TEX10: variants seen among roughly 807,000 people sequenced by gnomAD.
TEX10 encodes the protein testis-expressed protein 10.
A neutral mutation model predicts 104.4 loss-of-function variants in TEX10; 24 were observed. That is an observed-to-expected ratio of 0.23 (90% CI 0.17 to 0.32). The LOEUF is 0.32. Ranked by LOEUF, TEX10 falls within the 10% of genes least tolerant of loss-of-function variation. TEX10 has a pLI of 1.00. For missense variants in TEX10, 921 were observed against 1,083.9 expected (o/e 0.85, Z 2.11); for synonymous variants, 396 against 393.4 (o/e 1.01, Z -0.08).
chr9:100,345,256 T>C (rs989946146), intron 4 of TEX10, among the ~76,000 whole-genome samples: 6 of 152,208 alleles, frequency 3.9e-5, no homozygotes, highest in Admixed American at 2.6e-4. Flanking sequence ...GCTCTTAAAA[T>C]ATACACCTTA....
In TEX10 at chr9:100,326,318, C is replaced by T. The variant is rs1208737758; in HGVS notation, c.1963G>A (p.Gly655Arg). 4 of 1,613,622 alleles carry T rather than the reference C, an allele frequency of 2.5e-6. No homozygotes were observed. The highest frequency in any genetic ancestry group is 1.3e-5 in the African/African-American group (1 of 74,850). The change falls in exon 9 of 15, where the codon GGG (glycine) becomes AGG (arginine). Residue 655 changes from glycine to arginine, a missense_variant. By Grantham distance (125) the Gly-to-Arg change is moderately radical. Around this residue, in one of 3 missense-constraint regions of TEX10, gnomAD observed 753 missense variants for 868.4 expected, o/e 0.87. Transcript: ENST00000374902. ...GCATGCTACCTCATGTGCAGTATCC[C>T]GATAAGCATGGCAGCCAAACTTGAA... The part of the protein sequence containing the change: ...LSSSLAAMLI[G>R]ILHMRSSFSG...
intron 5 of TEX10, among the ~76,000 whole-genome samples, chr9:100,332,010 G>T (rs1251632787): frequency 3.3e-5 from 5 of 152,170 alleles, no homozygotes; most frequent in Admixed American, 6.5e-5. Context: ...GAAGAAAAAG[G>T]GGCAGAGAGA....
chr9:100,349,621 T>C (rs1030371441), intron 1 of TEX10, among the ~76,000 whole-genome samples: 1 of 151,886 alleles, frequency 6.6e-6, no homozygotes, highest in Admixed American at 6.6e-5. Context: ...CAGAACCTTT[T>C]GTCAAGCTAT....
chr9:100,323,594 A>C (rs149052048), intron 9 of TEX10, among the ~76,000 whole-genome samples: 1 of 152,336 alleles, frequency 6.6e-6, no homozygotes, highest in South Asian at 2.1e-4. Flanking sequence ...TAAAAAAACT[A>C]TAACTGGTTG....
chr9:100,338,956 G>A (rs1160164745), intron 5 of TEX10, among the ~76,000 whole-genome samples: 1 of 151,700 alleles, frequency 6.6e-6, no homozygotes, highest in Non-Finnish European at 1.5e-5. Flanking sequence ...TTATGATTCA[G>A]AATATAATTG....
chr9:100,351,196 G>A lies in TEX10; in HGVS notation c.-10+1576C>T, dbSNP rs561709661. Reference sequence around the variant, plus strand: ...AGTTTGGAAGTCACGCCTTTATCAAGAAGTTGAAAAGGGATTCATTCACAG... The same window carrying A: ...AGTTTGGAAGTCACGCCTTTATCAAAAAGTTGAAAAGGGATTCATTCACAG... On this transcript the variant is annotated intron_variant, in intron 1 of 14. Transcript: ENST00000374902. Among the ~76,000 whole-genome samples the A allele has an allele frequency of 3.9e-5, 6 of 151,902 alleles. No individual in the cohort carries two copies. In the South Asian group the frequency reaches 1.3e-3, roughly 32 times the overall value.
chr9:100,334,665 C>T (rs199956922), intron 5 of TEX10, among the ~76,000 whole-genome samples: 87 of 142,862 alleles, frequency 6.1e-4, no homozygotes, highest in Non-Finnish European at 1.0e-3. Context: ...TCATTTTGTT[C>T]TTTTTTTTTT....
At chr9:100,339,679 AGCTTGTACCT>A (rs1564217655) in intron 5 of TEX10, among the ~76,000 whole-genome samples, 1 of 152,016 alleles carries the variant, frequency 6.6e-6, no homozygotes, top group Non-Finnish European at 1.5e-5. Flanking sequence ...TTAGTATTTT[AGCTTGTACCT>A]GCTTGTCAAA....
At chr9:100,304,213 A>G (rs1834088024) in intron 13 of TEX10, 1 of 237,370 alleles carries the variant, frequency 4.2e-6, no homozygotes, top group East Asian at 9.7e-5. Flanking sequence ...CTATCAAACT[A>G]CCAACATCAT....
Position 100,308,667 on chromosome 9 carries a change from TAC to T in TEX10, c.2296_2297del (p.Val766AsnfsTer3), listed in dbSNP as rs1233180825. 4 of 1,605,182 alleles carry T rather than the reference TAC, an allele frequency of 2.5e-6. No individual in the cohort carries two copies. Among genetic ancestry groups the T allele is most frequent in the African/African-American group, 1.3e-5 (1 of 74,318 alleles). ...CACAGCCAGCCGTGCTGTCAGGAAT[TAC>T]AGTCAACCCAACCTAAGCAGAGAAA... ...AISKHLVGLT[V>X]IPDSTAGCVF... On this transcript the variant is annotated frameshift_variant, in exon 13 of 15. Coordinates refer to ENST00000374902, the MANE Select transcript of TEX10 (RefSeq NM_017746.4). LOFTEE classifies it high-confidence loss of function.
chr9:100,315,893 C>T (rs1834405035), intron 11 of TEX10, among the ~76,000 whole-genome samples: 1 of 152,204 alleles, frequency 6.6e-6, no homozygotes, highest in African/African-American at 2.4e-5. Context: ...GTCCTTTCTG[C>T]AATGTATTCT....
intron 5 of TEX10, among the ~76,000 whole-genome samples, chr9:100,338,671 C>G (rs764517674): frequency 2.0e-5 from 3 of 151,970 alleles, no homozygotes; most frequent in African/African-American, 4.8e-5. Context: ...TAGTGGGTCA[C>G]GAGGTAAGGA....
intron 5 of TEX10, among the ~76,000 whole-genome samples, chr9:100,337,133 C>G (rs192659066): frequency 1.8e-4 from 27 of 152,290 alleles, no homozygotes; most frequent in African/African-American, 6.3e-4. Context: ...TTCACTATAT[C>G]TATCACAATC....
chr9:100,308,826 T>C (rs1588163890), intron 12 of TEX10, 145 bp from the exon 13 acceptor site: 2 of 612,192 alleles, frequency 3.3e-6, no homozygotes, highest in East Asian at 3.3e-5. Flanking sequence ...CTGCCACACC[T>C]TAAGGTCCTG....
chr9:100,307,985 T>C (rs974734125), intron 13 of TEX10: 1 of 152,194 alleles, frequency 6.6e-6, no homozygotes. Context: ...TAAAATACTT[T>C]TTAAAATTAA....
Position 100,303,627 on chromosome 9 carries a change from C to T in TEX10, c.2676+5G>A. ...CTGCAAAGCCTCCGGTACCATGCTT[C>T]TTACCGTGATATTCTTGATGATCTG... is the stretch of plus-strand genomic sequence containing the variant. On this transcript the variant is annotated splice_donor_5th_base_variant and intron_variant, in intron 14 of 14. Coordinates refer to ENST00000374902, the MANE Select transcript of TEX10 (RefSeq NM_017746.4). 6.2e-7 allele frequency: 1 copy of T among 1,613,888 alleles called. No individual in the cohort carries two copies. Among genetic ancestry groups the T allele is most frequent in the Non-Finnish European group, 8.5e-7 (1 of 1,179,890 alleles).
chr9:100,338,035 A>C (rs1479565961), intron 5 of TEX10, among the ~76,000 whole-genome samples: 2 of 152,118 alleles, frequency 1.3e-5, no homozygotes, highest in African/African-American at 4.8e-5. Context: ...GTCGCCCTCT[A>C]TACTCTGCTT....
chr9:100,308,258 G>A (rs745401822), intron 13 of TEX10, among the ~76,000 whole-genome samples: 4 of 152,104 alleles, frequency 2.6e-5, no homozygotes, highest in Non-Finnish European at 5.9e-5. Flanking sequence ...ATTTTATAAT[G>A]CCATCTAAGT....
At chr9:100,350,584 G>A (rs761214917) in intron 1 of TEX10, among the ~76,000 whole-genome samples, 63 of 151,980 alleles carry the variant, frequency 4.1e-4, no homozygotes, top group Non-Finnish European at 8.1e-4. Context: ...ACTTGAATAG[G>A]GTAAGTACCT....
Sources: allele counts gnomAD v4.1 joint callset (sites outside exome capture counted in the v4.1 genomes callset), GRCh38; gene constraint gnomAD v4.1.1; regional missense constraint gnomAD v4.1.1; transcripts MANE v1.5; gene names NCBI Gene and HGNC (gene_info 2026-07-23, HGNC 2026-07-21).